The following DPP10 variants were observed in gnomAD, a reference collection of about 807,000 sequenced individuals.
DPP10 encodes the protein inactive dipeptidyl peptidase 10.
In DPP10, 33 loss-of-function variants were observed where a neutral mutation model predicts 120.9. The observed-to-expected ratio is 0.27, with a 90% CI of 0.21 to 0.37. The LOEUF is 0.37. DPP10 is among the 10% of genes least tolerant of loss of function. DPP10 has a pLI of 1.00. For synonymous variants in DPP10, 337 were observed against 326.1 expected (o/e 1.03, Z -0.36); for missense variants, 816 against 942.8 (o/e 0.87, Z 1.76).
chr2:115,527,768 C>T (rs533250627), intron 5 of DPP10, among the ~76,000 whole-genome samples: 141 of 152,192 alleles, frequency 9.3e-4, no homozygotes, highest in African/African-American at 3.2e-3. Context: ...AATATTTTAA[C>T]ATTACTAGCC....
intron 1 of DPP10, among the ~76,000 whole-genome samples, chr2:114,787,887 T>A (rs1444765905): frequency 2.6e-5 from 4 of 152,228 alleles, no homozygotes; most frequent in Non-Finnish European, 5.9e-5. Flanking sequence ...GCTATAATAG[T>A]TTAATTGAGT....
intron 5 of DPP10, among the ~76,000 whole-genome samples, chr2:115,637,257 A>G (rs2086414996): frequency 6.6e-6 from 1 of 152,202 alleles, no homozygotes; most frequent in African/African-American, 2.4e-5. Flanking sequence ...AATTTTGTGA[A>G]GAGGAAAAAT....
intron 11 of DPP10, 135 bp from the exon 12 acceptor site, chr2:115,762,437 C>A: frequency 1.3e-6 from 1 of 791,490 alleles, no homozygotes; most frequent in Non-Finnish European, 2.2e-6. Flanking sequence ...TCAATAATGA[C>A]AATGAAATCT....
rs114310747 is a variant in DPP10 at position 115,424,042 on chromosome 2, A to G, written c.272-75468A>G. Among the ~76,000 whole-genome samples, 1,013 of 152,244 alleles carry G rather than the reference A, an allele frequency of 6.7e-3. 9 individuals carry two copies. Among genetic ancestry groups the G allele is most frequent in the African/African-American group, 0.023 (953 of 41,548 alleles). On this transcript the variant is annotated intron_variant, in intron 3 of 25. Coordinates refer to ENST00000410059, the MANE Select transcript of DPP10 (RefSeq NM_020868.6). ...TTTACCAGAATTGTTGTTGGAATCTATGGAGCCACAGTCTCTGTTGGACTC... is the reference window on the plus strand; with the variant it reads ...TTTACCAGAATTGTTGTTGGAATCTGTGGAGCCACAGTCTCTGTTGGACTC...
intron 1 of DPP10, among the ~76,000 whole-genome samples, chr2:114,878,087 A>G (rs1305747890): frequency 2.0e-5 from 3 of 152,120 alleles, no homozygotes; most frequent in Non-Finnish European, 4.4e-5. Context: ...AGAAGAAATA[A>G]AAGCCCTTAA....
chr2:114,894,450 A>G (rs1002971190), intron 1 of DPP10, among the ~76,000 whole-genome samples: 5 of 152,214 alleles, frequency 3.3e-5, no homozygotes, highest in Non-Finnish European at 5.9e-5. Flanking sequence ...TATTCCGTTC[A>G]TTCAATAGGC....
chr2:115,754,799 C>T (rs1679193547), intron 11 of DPP10, among the ~76,000 whole-genome samples: 3 of 152,040 alleles, frequency 2.0e-5, no homozygotes, highest in Non-Finnish European at 4.4e-5. Context: ...TTAGCAGACA[C>T]ATGTTTTACA....
At chr2:114,787,032 A>G (rs2106219189) in intron 1 of DPP10, among the ~76,000 whole-genome samples, 1 of 152,300 alleles carries the variant, frequency 6.6e-6, no homozygotes, top group East Asian at 1.9e-4. Flanking sequence ...TCACATTTGA[A>G]CCACAGGAGA....
intron 3 of DPP10, among the ~76,000 whole-genome samples, chr2:115,493,013 A>G (rs1198084905): frequency 1.3e-5 from 2 of 152,166 alleles, no homozygotes; most frequent in Non-Finnish European, 2.9e-5. Context: ...AGTTTTACAT[A>G]TGTGGAGAAC....
rs534861883 is a variant in DPP10, at chr2:114,467,384, C to T, written c.60+24546C>T. Reference sequence around the variant, plus strand: ...CCAATTATTGCCAGGCAGAAACATGCGTGCACATTTTTTAAGATTTTTATT... The same window carrying T: ...CCAATTATTGCCAGGCAGAAACATGTGTGCACATTTTTTAAGATTTTTATT... On this transcript the variant is annotated intron_variant, in intron 1 of 25. Coordinates refer to ENST00000410059, the MANE Select transcript of DPP10 (RefSeq NM_020868.6). Among the ~76,000 whole-genome samples the T allele has an allele frequency of 2.6e-5, 4 of 152,148 alleles. No individual in the cohort carries two copies. In the East Asian group the frequency reaches 7.7e-4, roughly 29 times the overall value.
At chr2:115,109,208 C>G (rs1447910231) in intron 1 of DPP10, among the ~76,000 whole-genome samples, 1 of 151,958 alleles carries the variant, frequency 6.6e-6, no homozygotes, top group Non-Finnish European at 1.5e-5. Flanking sequence ...ATTTCTTAAC[C>G]CTAATGCTTT....
chr2:114,660,167 G>A (rs1444165283), intron 1 of DPP10, among the ~76,000 whole-genome samples: 1 of 152,156 alleles, frequency 6.6e-6, no homozygotes, highest in Non-Finnish European at 1.5e-5. Flanking sequence ...AAACAGGGAA[G>A]GAAATAGGTG....
At chr2:115,170,104 G>T (rs1438024194) in intron 1 of DPP10, among the ~76,000 whole-genome samples, 1 of 152,176 alleles carries the variant, frequency 6.6e-6, no homozygotes, top group African/African-American at 2.4e-5. Context: ...TGCTTGTACA[G>T]GGAGAAATAG....
intron 1 of DPP10, among the ~76,000 whole-genome samples, chr2:115,098,107 C>T (rs1050718668): frequency 6.6e-6 from 1 of 152,108 alleles, no homozygotes; most frequent in African/African-American, 2.4e-5. Context: ...GCATTCATGT[C>T]CCCATATCAG....
chr2:114,805,189 G>A (rs1684618604), intron 1 of DPP10, among the ~76,000 whole-genome samples: 1 of 152,212 alleles, frequency 6.6e-6, no homozygotes, highest in African/African-American at 2.4e-5. Context: ...ATGTGGACCT[G>A]TAAGTCCAAT....
At chr2:115,617,262 T>C (rs773242068) in intron 5 of DPP10, among the ~76,000 whole-genome samples, 287 of 14,072 alleles carry the variant, frequency 0.02, 8 homozygotes, top group Non-Finnish European at 5.0e-3. Context: ...TATGGGTATA[T>C]ATATATTTTT....
intron 10 of DPP10, 34 bp from the exon 11 acceptor site, chr2:115,753,140 C>G: frequency 1.3e-6 from 2 of 1,598,820 alleles, no homozygotes; most frequent in Non-Finnish European, 1.7e-6. Flanking sequence ...TGCTCTGGCT[C>G]TAAACATACA....
intron 5 of DPP10, among the ~76,000 whole-genome samples, chr2:115,577,908 TG>T: frequency 6.6e-6 from 1 of 152,342 alleles, no homozygotes; most frequent in Admixed American, 6.5e-5. Flanking sequence ...TCTGAAAAAC[TG>T]GCTGTTAGGA....
chr2:115,439,855 C>G (rs2071862953), intron 3 of DPP10, among the ~76,000 whole-genome samples: 1 of 112,386 alleles, frequency 8.9e-6, no homozygotes, highest in Non-Finnish European at 2.0e-5. Context: ...ATTCAAAAAG[C>G]AGAACTAATT....
Sources: gnomAD v4.1 joint callset for allele counts (sites outside exome capture counted in the v4.1 genomes callset) on GRCh38, gnomAD v4.1.1 for gene constraint, MANE v1.5 for transcripts, NCBI Gene and HGNC (gene_info 2026-07-23, HGNC 2026-07-21) for gene names.